Variants in SPACA1 observed in about 807,000 individuals in gnomAD.
The protein encoded by SPACA1 is sperm acrosome associated 1.
Under a neutral mutation model 32.6 loss-of-function variants are expected in SPACA1, and 17 were observed. The ratio of observed to expected loss-of-function variants is 0.52; its 90% CI spans 0.36 to 0.78. The LOEUF (loss-of-function observed/expected upper bound fraction) is 0.78, where lower values mean the gene tolerates loss of function less well. SPACA1 is among the 30% of genes least tolerant of loss of function. The pLI is 0.01. For synonymous variants in SPACA1, 140 were observed against 138.1 expected, an observed-to-expected ratio of 1.01 and a Z score of -0.10; for missense variants, 363 against 373.4, an observed-to-expected ratio of 0.97 and a Z score of 0.23.
rs774784623 is a variant in SPACA1 at position 88,048,025 on chromosome 6, C to G, written c.120C>G (p.Gly40=). Residue 40 remains glycine, a synonymous_variant, in exon 1 of 7, where the codon GGC becomes GGG. Transcript: ENST00000237201. ...TCACCGCTGCCGTCCAGGATGCCGG[C>G]CTGGCCCACGAAGGCGAGGGCGAGG... ...TNVTAAVQDA[G]LAHEGEGEEE... 1.3e-6 allele frequency: 2 copies of G among 1,598,820 alleles called. No homozygotes were observed. The highest frequency in any genetic ancestry group is 2.3e-5 in the South Asian group (2 of 87,778).
Position 88,066,424 on chromosome 6 carries a change from T to TAA in SPACA1, c.*90_*91dup. 1 of 1,273,984 alleles carries TAA rather than the reference T, an allele frequency of 7.8e-7. No homozygotes were observed. Among genetic ancestry groups the TAA allele is most frequent in the African/African-American group, 1.5e-5 (1 of 66,526 alleles). The allele number at this position is 1,273,984 out of a possible 1,614,324, so 78.9% of individuals were successfully genotyped here. Reference sequence around the variant, plus strand: ...TAAAATACACATTGAAATACTTTAATAATGTTGCGATGGATTGCCACAGTG... The same window carrying TAA: ...TAAAATACACATTGAAATACTTTAATAAAATGTTGCGATGGATTGCCACAGTG... On this transcript the variant is annotated 3_prime_UTR_variant, in exon 7 of 7. Coordinates refer to ENST00000237201, the MANE Select transcript of SPACA1 (RefSeq NM_030960.3).
At chr6:88,048,629 C>T (rs1156358908) in intron 1 of SPACA1, among the ~76,000 whole-genome samples, 2 of 152,190 alleles carry the variant, frequency 1.3e-5, no homozygotes, top group Non-Finnish European at 2.9e-5. Context: ...TAGCCTTGAG[C>T]ACCTCTGCAT....
intron 6 of SPACA1, among the ~76,000 whole-genome samples, chr6:88,065,521 C>T (rs956809078): frequency 3.4e-5 from 5 of 148,642 alleles, no homozygotes; most frequent in African/African-American, 1.2e-4. Flanking sequence ...TTAAGAAGTG[C>T]CTTTTTATTC....
intron 1 of SPACA1, 55 bp from the exon 2 acceptor site, chr6:88,053,891 C>CAA (rs1775766864): frequency 6.8e-7 from 1 of 1,464,906 alleles, no homozygotes; most frequent in Admixed American, 1.7e-5. Flanking sequence ...AGAGGTGTTT[C>CAA]ACTTAGAAAA....
intron 1 of SPACA1, 126 bp downstream of exon 1, chr6:88,048,239 C>A: frequency 9.7e-7 from 1 of 1,030,896 alleles, no homozygotes; most frequent in Non-Finnish European, 1.4e-6. Context: ...ATACTTCAGC[C>A]CCGAGTTTGT....
Position 88,059,439 on chromosome 6 carries a change from T to G in SPACA1, c.475-14T>G. On this transcript the variant is annotated splice_polypyrimidine_tract_variant and intron_variant, in intron 4 of 6. Coordinates refer to ENST00000237201, the MANE Select transcript of SPACA1 (RefSeq NM_030960.3). ...AAAATGTTGATACTTTGTTATTTTT[T>G]TCTTTTTAAATAGCAATCCATTATA... 6.3e-7 allele frequency: 1 copy of G among 1,583,254 alleles called. No homozygotes were observed. Among genetic ancestry groups the G allele is most frequent in the South Asian group, 1.2e-5 (1 of 86,006 alleles).
At chr6:88,059,362 T>G in intron 4 of SPACA1, 91 bp from the exon 5 acceptor site, 1 of 1,163,622 alleles carries the variant, frequency 8.6e-7, no homozygotes, top group Non-Finnish European at 1.2e-6. Flanking sequence ...AGAGAGACAG[T>G]AACCCTCCTT....
At chr6:88,050,631 A>T (rs566936399) in intron 1 of SPACA1, among the ~76,000 whole-genome samples, 1 of 152,266 alleles carries the variant, frequency 6.6e-6, no homozygotes, top group Non-Finnish European at 1.5e-5. Context: ...TTCTTGAAAG[A>T]TGATGCAATA....
chr6:88,063,902 G>A (rs938987366), intron 5 of SPACA1, among the ~76,000 whole-genome samples, 197 bp from the exon 6 acceptor site: 11 of 152,060 alleles, frequency 7.2e-5, no homozygotes, highest in Admixed American at 5.2e-4. Context: ...CAGGCTGTTC[G>A]TTGTCAAATT....
intron 3 of SPACA1, among the ~76,000 whole-genome samples, chr6:88,058,506 G>A (rs1434738821): frequency 4.6e-5 from 7 of 152,106 alleles, no homozygotes; most frequent in Admixed American, 4.6e-4. Context: ...AGGCACAGTG[G>A]CATGTGCATG....
intron 5 of SPACA1, among the ~76,000 whole-genome samples, chr6:88,063,088 A>G (rs1329310153): frequency 6.6e-6 from 1 of 152,210 alleles, no homozygotes; most frequent in African/African-American, 2.4e-5. Flanking sequence ...AGGCAAGCCA[A>G]AATCTGGTAG....
chr6:88,064,772 AC>A (rs1403990634), intron 6 of SPACA1, among the ~76,000 whole-genome samples: 1 of 148,876 alleles, frequency 6.7e-6, no homozygotes, highest in Non-Finnish European at 1.5e-5. Context: ...TATACAATAT[AC>A]ATATATCTTC....
rs975471254 is a variant in SPACA1 at position 88,059,452 on chromosome 6, G to A, written c.475-1G>A. ...TTTGTTATTTTTTTCTTTTTAAATA[G>A]CAATCCATTATACTTGTAAATGATT... On this transcript the variant is annotated splice_acceptor_variant, in intron 4 of 6. Coordinates refer to ENST00000237201, the MANE Select transcript of SPACA1 (RefSeq NM_030960.3). LOFTEE classifies it high-confidence loss of function. 5.0e-6 allele frequency: 8 copies of A among 1,589,978 alleles called. No individual in the cohort carries two copies. Among genetic ancestry groups the A allele is most frequent in the Non-Finnish European group, 6.8e-6 (8 of 1,170,756 alleles).
chr6:88,050,588 A>T (rs923923483), intron 1 of SPACA1, among the ~76,000 whole-genome samples: 1 of 152,250 alleles, frequency 6.6e-6, no homozygotes, highest in African/African-American at 2.4e-5. Flanking sequence ...AAAATAGACT[A>T]CAAGGAGGAT....
intron 5 of SPACA1, among the ~76,000 whole-genome samples, chr6:88,061,270 T>C (rs939126733): frequency 6.6e-6 from 1 of 152,188 alleles, no homozygotes; most frequent in Non-Finnish European, 1.5e-5. Flanking sequence ...TAGGCATTGT[T>C]AAAAAAGATA....
intron 5 of SPACA1, among the ~76,000 whole-genome samples, chr6:88,063,475 G>A (rs1279919917): frequency 6.6e-6 from 1 of 152,160 alleles, no homozygotes; most frequent in Non-Finnish European, 1.5e-5. Flanking sequence ...CAATTTATAT[G>A]TAGTTCTAGA....
At chr6:88,062,537 C>T (rs977598597) in intron 5 of SPACA1, among the ~76,000 whole-genome samples, 1 of 152,122 alleles carries the variant, frequency 6.6e-6, no homozygotes. Flanking sequence ...TGTTAATTGG[C>T]TTTTTACTAG....
At chr6:88,063,445 A>C (rs923643105) in intron 5 of SPACA1, among the ~76,000 whole-genome samples, 5 of 152,170 alleles carry the variant, frequency 3.3e-5, no homozygotes, top group Non-Finnish European at 7.4e-5. Flanking sequence ...TTTACACAAG[A>C]GATTACCTAG....
At chr6:88,057,527 T>G in intron 2 of SPACA1, 85 bp from the exon 3 acceptor site, 1 of 856,134 alleles carries the variant, frequency 1.2e-6, no homozygotes, top group Non-Finnish European at 1.9e-6. Context: ...AGAAAAGTCT[T>G]AAGAAAAGAC....
Sources: allele counts gnomAD v4.1 joint callset (sites outside exome capture counted in the v4.1 genomes callset), GRCh38; gene constraint gnomAD v4.1.1; transcripts MANE v1.5; gene names NCBI Gene and HGNC (gene_info 2026-07-23, HGNC 2026-07-21).